RCAN1: variants seen among roughly 807,000 people sequenced by gnomAD.
RCAN1 encodes calcipressin-1.
Under a neutral mutation model 22.9 loss-of-function variants are expected in RCAN1, and 11 were observed. The ratio of observed to expected loss-of-function variants is 0.48; its 90% CI spans 0.30 to 0.79. The LOEUF (loss-of-function observed/expected upper bound fraction) is 0.79. RCAN1 is among the 30% of genes least tolerant of loss of function. The pLI, the probability that RCAN1 is intolerant of heterozygous loss-of-function variation, is 0.06. For missense variants in RCAN1, 291 were observed against 337.8 expected, an observed-to-expected ratio of 0.86 and a Z score of 1.09; for synonymous variants, 136 against 142.3, an observed-to-expected ratio of 0.96 and a Z score of 0.32.
At chr21:34,565,935 T>C (rs1459350612) in intron 1 of RCAN1, among the ~76,000 whole-genome samples, 2 of 152,208 alleles carry the variant, frequency 1.3e-5, no homozygotes. Context: ...TGTGTGTTCG[T>C]GTGAACCATC....
intron 1 of RCAN1, among the ~76,000 whole-genome samples, chr21:34,570,599 T>C (rs75886352): frequency 0.013 from 2,030 of 152,294 alleles, 46 homozygotes; most frequent in East Asian, 0.092. Flanking sequence ...TAGAACACTT[T>C]TTTCTGCTGA....
intron 1 of RCAN1, among the ~76,000 whole-genome samples, chr21:34,613,612 C>T (rs1299976223): frequency 6.6e-6 from 1 of 152,154 alleles, no homozygotes; most frequent in Non-Finnish European, 1.5e-5. Context: ...TGCTGGCTAG[C>T]GCTTAGTTTA....
chr21:34,588,716 C>T (rs571736928), intron 1 of RCAN1, among the ~76,000 whole-genome samples: 2 of 152,212 alleles, frequency 1.3e-5, no homozygotes, highest in Non-Finnish European at 2.9e-5. Flanking sequence ...AGGGTCCTGA[C>T]GAGATATGCT....
intron 1 of RCAN1, among the ~76,000 whole-genome samples, chr21:34,596,455 A>AG (rs1159240086): frequency 1.3e-5 from 2 of 152,154 alleles, no homozygotes; most frequent in Non-Finnish European, 2.9e-5. Context: ...AAGTGCAAGC[A>AG]GGGCTGTGGC....
In RCAN1 at chr21:34,614,812, G is replaced by T; in HGVS notation, c.200C>A (p.Ala67Asp). ...EEVDLQDLPSATIACHLDPRV... is the reference protein window; with the variant it reads ...EEVDLQDLPSDTIACHLDPRV... ...CGGGTCCAGGTGACAGGCGATGGTG[G>T]CGCTGGGCAGGTCCTGCAGGTCCAC... is the stretch of plus-strand genomic sequence containing the variant. Residue 67 changes from alanine to aspartate, a missense_variant, in exon 1 of 4, where the codon GCC (alanine) becomes GAC (aspartate). Ala to Asp is a moderately radical substitution (Grantham distance 126, BLOSUM62 -2). Coordinates refer to ENST00000313806, the MANE Select transcript of RCAN1 (RefSeq NM_004414.7). The surrounding 1 kb of genome is among the most constrained non-coding windows in gnomAD (Gnocchi z 6.0). The T allele has an allele frequency of 6.7e-7, 1 of 1,490,768 alleles. No homozygotes were observed. The highest frequency in any genetic ancestry group is 2.9e-5 in the East Asian group (1 of 34,280). 92.3% of individuals were successfully genotyped at this position (1,490,768 alleles called of 1,614,324 possible). A position where few individuals can be genotyped will look rare whatever the true frequency, so the allele number is the denominator to read the frequency against.
rs78216053 is a variant in RCAN1 at position 34,596,140 on chromosome 21, A to G, written c.252+18620T>C. 9.8e-4 allele frequency among the ~76,000 whole-genome samples: 150 copies of G among 152,296 alleles called. 4 individuals are homozygous for G. In the East Asian group the frequency reaches 0.027, roughly 27 times the overall value. On this transcript the variant is annotated intron_variant, in intron 1 of 3. Transcript: ENST00000313806. Reference sequence around the variant, plus strand: ...CTGTGAGGTGGCTATTATGAGCCCCATCCTACAAGTGGGCAAACTGAAGCA... The same window carrying G: ...CTGTGAGGTGGCTATTATGAGCCCCGTCCTACAAGTGGGCAAACTGAAGCA...
At chr21:34,554,117 T>C (rs1054316014) in intron 1 of RCAN1, among the ~76,000 whole-genome samples, 1 of 152,238 alleles carries the variant, frequency 6.6e-6, no homozygotes, top group Non-Finnish European at 1.5e-5. Flanking sequence ...GCTAGAGCTC[T>C]CGGGAGGAGA....
intron 1 of RCAN1, among the ~76,000 whole-genome samples, chr21:34,557,920 G>A (rs1001307252): frequency 1.3e-5 from 2 of 152,118 alleles, no homozygotes; most frequent in Admixed American, 6.5e-5. Context: ...TTATAGGTGA[G>A]GAACTAAGGC....
At chr21:34,579,874 GC>G (rs1444625510) in intron 1 of RCAN1, among the ~76,000 whole-genome samples, 1 of 152,186 alleles carries the variant, frequency 6.6e-6, no homozygotes, top group Non-Finnish European at 1.5e-5. Context: ...CCACTGGTTT[GC>G]AGTTGTGACC....
chr21:34,525,024 C>A, intron 1 of RCAN1: 1 of 1,538,716 alleles, frequency 6.5e-7, no homozygotes, highest in Non-Finnish European at 8.8e-7. Flanking sequence ...AAGGGGCTGG[C>A]CAGGAAGAAG....
chr21:34,533,024 T>A (rs56128034), intron 1 of RCAN1, among the ~76,000 whole-genome samples: 1,523 of 150,944 alleles, frequency 0.01, 14 homozygotes, highest in Non-Finnish European at 0.015. Context: ...GCAGTGGCAC[T>A]ATCTCGGCTC....
At chr21:34,520,248 C>A (rs1984402389) in intron 3 of RCAN1, among the ~76,000 whole-genome samples, 1 of 152,154 alleles carries the variant, frequency 6.6e-6, no homozygotes, top group African/African-American at 2.4e-5. Context: ...CTGGAGTATG[C>A]AGAATTTTTA....
At chr21:34,565,243 T>G (rs1006375047) in intron 1 of RCAN1, among the ~76,000 whole-genome samples, 2 of 152,270 alleles carry the variant, frequency 1.3e-5, no homozygotes, top group Admixed American at 1.3e-4. Context: ...TGTCTCTTTT[T>G]GTTCCACTTC....
At position 34,603,012 on chromosome 21, in the gene RCAN1, G is replaced by A. The variant is rs76544679; in HGVS notation, c.252+11748C>T. Among the ~76,000 whole-genome samples the A allele has an allele frequency of 1.8e-4, 27 of 152,184 alleles. No individual in the cohort carries two copies. In the East Asian group the frequency reaches 5.2e-3, roughly 29 times the overall value. On this transcript the variant is annotated intron_variant, in intron 1 of 3. Transcript: ENST00000313806. ...CAGGGAATAGGTCCACTCAGGAAGC[G>A]GCTTTCTCACCTGCACAGTTTCTGC...
chr21:34,521,625 G>T lies in RCAN1; in HGVS notation c.460C>A (p.Pro154Thr). ...LHIGSSHLAP[P>T]NPDKQFLISP... ...ATCAGAAACTGCTTGTCTGGATTTG[G>T]CGGAGCCAGGTGTGAGCTTCCTATG... The change falls in exon 3 of 4, where the codon CCA becomes ACA. Residue 154 changes from proline to threonine, a missense_variant. Transcript: ENST00000313806. 6.2e-7 allele frequency: 1 copy of T among 1,613,740 alleles called. No homozygotes were observed. Among genetic ancestry groups the T allele is most frequent in the Non-Finnish European group, 8.5e-7 (1 of 1,179,788 alleles).
chr21:34,535,154 T>G (rs1985610596), intron 1 of RCAN1, among the ~76,000 whole-genome samples: 1 of 152,250 alleles, frequency 6.6e-6, no homozygotes, highest in Non-Finnish European at 1.5e-5. Context: ...CCAAAACACT[T>G]GGAGACCATG....
chr21:34,568,843 T>C lies in RCAN1; in HGVS notation c.253-45133A>G, dbSNP rs140416784. 2.7e-3 allele frequency among the ~76,000 whole-genome samples: 406 copies of C among 152,332 alleles called. 2 individuals are homozygous for C. Among genetic ancestry groups the C allele is most frequent in the African/African-American group, 8.9e-3 (369 of 41,564 alleles). The stretch of plus-strand genomic sequence containing the variant: ...TCTGTTTTCACGTTGCTGATAAAGA[T>C]ATACCCAAGACTGGGAAGAAAAAGA... On this transcript the variant is annotated intron_variant, in intron 1 of 3. Coordinates refer to ENST00000313806, the MANE Select transcript of RCAN1 (RefSeq NM_004414.7).
intron 1 of RCAN1, among the ~76,000 whole-genome samples, chr21:34,581,358 C>T (rs1359873109): frequency 6.6e-6 from 1 of 152,206 alleles, no homozygotes; most frequent in Non-Finnish European, 1.5e-5. Flanking sequence ...AGGAAGACTA[C>T]AAGTTAAGGA....
chr21:34,532,767 G>A (rs1302373451), intron 1 of RCAN1, among the ~76,000 whole-genome samples: 1 of 152,148 alleles, frequency 6.6e-6, no homozygotes, highest in Non-Finnish European at 1.5e-5. Context: ...AGATATGATT[G>A]TAGATACTCT....
Sources: gnomAD v4.1 joint callset for allele counts (sites outside exome capture counted in the v4.1 genomes callset) on GRCh38, gnomAD v4.1.1 for gene constraint, Gnocchi (gnomAD v3.1) non-coding constraint, MANE v1.5 for transcripts, NCBI Gene and HGNC (gene_info 2026-07-23, HGNC 2026-07-21) for gene names.